HSPA12B: variants seen among roughly 807,000 people sequenced by gnomAD.
The protein encoded by HSPA12B is heat shock 70 kDa protein 12B.
A neutral mutation model predicts 69.3 loss-of-function variants in HSPA12B; 54 were observed. The observed-to-expected ratio is 0.78, with a 90% CI of 0.63 to 0.98. HSPA12B has a LOEUF of 0.98. HSPA12B is among the 50% of genes least tolerant of loss of function. The pLI, the probability that HSPA12B is intolerant of heterozygous loss-of-function variation, is 0.00. For missense variants in HSPA12B, 929 were observed against 999.8 expected (o/e 0.93, Z 0.96); for synonymous variants, 441 against 436.5 (o/e 1.01, Z -0.13).
chr20:3,745,496 C>A lies in HSPA12B; in HGVS notation c.457C>A (p.Leu153Ile), dbSNP rs1393766286. The stretch of plus-strand genomic sequence containing the variant: ...AGCCGCCCTGTGTCCCTGCCAGGAT[C>A]TCACCTTGAAGACCCAGCTAGAGGC... Reference protein sequence around the residue: ...FKMKIHSATDLTLKTQLEAVN... With the variant: ...FKMKIHSATDITLKTQLEAVN... Residue 153 changes from leucine to isoleucine, a missense_variant, in exon 6 of 13, where the codon CTC (leucine) becomes ATC (isoleucine). Leu to Ile is a conservative substitution (Grantham distance 5). Around this residue, in one of 3 missense-constraint regions of HSPA12B, gnomAD observed 477 missense variants for 535.2 expected, o/e 0.89. Coordinates refer to ENST00000254963, the MANE Select transcript of HSPA12B (RefSeq NM_052970.5). This position sits in a 1 kb window ranked among gnomAD's most constrained non-coding sequence, Gnocchi z 5.6. 8 of 1,613,652 alleles carry A rather than the reference C, an allele frequency of 5.0e-6. No individual in the cohort carries two copies. Among genetic ancestry groups the A allele is most frequent in the South Asian group, 4.4e-5 (4 of 91,068 alleles).
chr20:3,752,905 G>T lies in HSPA12B; in HGVS notation c.*739G>T, dbSNP rs2088454109. 3 of 153,836 alleles carry T rather than the reference G, an allele frequency of 2.0e-5. No individual in the cohort carries two copies. The highest frequency in any genetic ancestry group is 7.2e-5 in the African/African-American group (3 of 41,442). The allele number at this position is 153,836 out of a possible 1,614,324, so 9.5% of individuals were successfully genotyped here. A position where few individuals can be genotyped will look rare whatever the true frequency, so the allele number is the denominator to read the frequency against. On this transcript the variant is annotated 3_prime_UTR_variant, in exon 13 of 13. Coordinates refer to ENST00000254963, the MANE Select transcript of HSPA12B (RefSeq NM_052970.5). ...CCCCAGCCATGGAAGAGCAGCTGGA[G>T]GGTGGATGGGGAGGCCAGAGGGAGC...
In HSPA12B at chr20:3,751,006, A is replaced by G. The variant is rs746851212; in HGVS notation, c.1405+99A>G. ...TGCCTAGATACCTCCACACATCCAT[A>G]CACTGTGATGAGACCTAGAATCATC... On this transcript the variant is annotated intron_variant, in intron 12 of 12. Coordinates refer to ENST00000254963, the MANE Select transcript of HSPA12B (RefSeq NM_052970.5). 6.5e-5 allele frequency: 66 copies of G among 1,018,470 alleles called. No individual in the cohort carries two copies. In the Admixed American group the frequency reaches 6.8e-4, roughly 11 times the overall value. The allele number at this position is 1,018,470 out of a possible 1,614,324, so 63.1% of individuals were successfully genotyped here.
At chr20:3,734,540 AGC>A in intron 1 of HSPA12B, among the ~76,000 whole-genome samples, 1 of 152,292 alleles carries the variant, frequency 6.6e-6, no homozygotes, top group Admixed American at 6.5e-5. Flanking sequence ...AGGCCCCTGA[AGC>A]GGGGCTCAGC....
Position 3,750,816 on chromosome 20 carries a change from G to C in HSPA12B, c.1314G>C (p.Val438=). ...TALRRSSVNF[V]KWSSQGMLRM... is the part of the protein sequence containing the mutation. ...TCACCACCAACAGCGTGAACTTCGT[G>C]AAGTGGTCCTCACAGGGGATGCTCC... is the stretch of plus-strand genomic sequence containing the variant. The change falls in exon 12 of 13, where the codon GTG becomes GTC. Residue 438 remains valine (V), a synonymous_variant. Transcript: ENST00000254963. 7 of 1,613,906 alleles carry C rather than the reference G, an allele frequency of 4.3e-6. No homozygotes were observed. Among genetic ancestry groups the C allele is most frequent in the Non-Finnish European group, 5.1e-6 (6 of 1,180,028 alleles).
chr20:3,739,434 T>C (rs899997212), intron 2 of HSPA12B, among the ~76,000 whole-genome samples: 1 of 152,222 alleles, frequency 6.6e-6, no homozygotes, highest in African/African-American at 2.4e-5. Context: ...GCTTGGGTTC[T>C]CCGCAGGGGT....
In HSPA12B at chr20:3,737,872, A is replaced by G. The variant is rs901521046; in HGVS notation, c.-17-786A>G. Among the ~76,000 whole-genome samples, 10 of 152,124 alleles carry G rather than the reference A, an allele frequency of 6.6e-5. No individual in the cohort carries two copies. Among genetic ancestry groups the G allele is most frequent in the Admixed American group, 2.6e-4 (4 of 15,268 alleles). ...ACAAAAATTAGCTGGGCATGGAGGC[A>G]CTCACCTGTAATCCCAGCTACTGAG... On this transcript the variant is annotated intron_variant, in intron 1 of 12. Transcript: ENST00000254963. This position sits in a 1 kb window ranked among gnomAD's most constrained non-coding sequence, Gnocchi z 4.1.
chr20:3,745,511 C>G lies in HSPA12B; in HGVS notation c.472C>G (p.Gln158Glu). 6.2e-7 allele frequency: 1 copy of G among 1,614,124 alleles called. No individual in the cohort carries two copies. The highest frequency in any genetic ancestry group is 8.5e-7 in the Non-Finnish European group (1 of 1,179,978). ...CTGCCAGGATCTCACCTTGAAGACC[C>G]AGCTAGAGGCAGTAAATGGAAAGAC... ...HSATDLTLKT[Q>E]LEAVNGKTMP... The change falls in exon 6 of 13, where the codon CAG becomes GAG. Residue 158 changes from glutamine to glutamate, a missense_variant. Physicochemically the swap from Gln to Glu is conservative, Grantham distance 29. Coordinates refer to ENST00000254963, the MANE Select transcript of HSPA12B (RefSeq NM_052970.5). This position sits in a 1 kb window ranked among gnomAD's most constrained non-coding sequence, Gnocchi z 5.6.
intron 7 of HSPA12B, among the ~76,000 whole-genome samples, chr20:3,747,217 A>C (rs1276628898): frequency 1.3e-5 from 2 of 152,116 alleles, no homozygotes; most frequent in Admixed American, 6.5e-5. Context: ...TAAGCTGTCC[A>C]AAAGGGATCT....
chr20:3,747,930 G>A (rs1291486192), intron 7 of HSPA12B, among the ~76,000 whole-genome samples: 2 of 152,212 alleles, frequency 1.3e-5, no homozygotes, highest in African/African-American at 4.8e-5. Flanking sequence ...AATTTGAAGG[G>A]GCAGATCCCA....
At position 3,751,840 on chromosome 20, in the gene HSPA12B, G is replaced by A. The variant is rs2088429322; in HGVS notation, c.1735G>A (p.Ala579Thr). ...CACCGACGTCTTCGAGCGCTTCGTG[G>A]CCGCCGAGCAGTCGGTGGCCCTGGG... ...WCTDVFERFVAAEQSVALGEE... is the reference protein window; with the variant it reads ...WCTDVFERFVTAEQSVALGEE... The change falls in exon 13 of 13, where the codon GCC (alanine) becomes ACC (threonine). Residue 579 changes from alanine (A) to threonine (T), a missense_variant. By Grantham distance (58) the Ala-to-Thr change is moderately conservative (BLOSUM62 0). Transcript: ENST00000254963. The A allele has an allele frequency of 6.5e-7, 1 of 1,539,534 alleles. No individual in the cohort carries two copies. Among genetic ancestry groups the A allele is most frequent in the Non-Finnish European group, 8.7e-7 (1 of 1,149,030 alleles).
intron 8 of HSPA12B, among the ~76,000 whole-genome samples, chr20:3,748,966 C>A (rs915945194): frequency 1.3e-5 from 2 of 152,212 alleles, no homozygotes; most frequent in African/African-American, 4.8e-5. Context: ...TCCTCCAAAC[C>A]CCTCTAACCC....
chr20:3,734,157 G>A (rs561560997), intron 1 of HSPA12B, among the ~76,000 whole-genome samples: 1 of 152,342 alleles, frequency 6.6e-6, no homozygotes, highest in Admixed American at 6.5e-5. Context: ...AACAGAGCAA[G>A]ACCCTGTCTC....
chr20:3,749,388 G>C lies in HSPA12B; in HGVS notation c.937+70G>C. 2 of 1,376,634 alleles carry C rather than the reference G, an allele frequency of 1.5e-6. No homozygotes were observed. Among genetic ancestry groups the C allele is most frequent in the Non-Finnish European group, 2.0e-6 (2 of 983,872 alleles). 85.3% of individuals were successfully genotyped at this position (1,376,634 alleles called of 1,614,324 possible). A position where few individuals can be genotyped will look rare whatever the true frequency, so the allele number is the denominator to read the frequency against. ...GCACCATATACTGATGGGGGGAAGG[G>C]CATGTTTGCAAAGCCCGTCTCTTCC... On this transcript the variant is annotated intron_variant, in intron 9 of 12. Transcript: ENST00000254963. This position sits in a 1 kb window ranked among gnomAD's most constrained non-coding sequence, Gnocchi z 5.5.
chr20:3,736,095 G>A (rs1266133038), intron 1 of HSPA12B, among the ~76,000 whole-genome samples: 1 of 152,204 alleles, frequency 6.6e-6, no homozygotes, highest in Non-Finnish European at 1.5e-5. Flanking sequence ...CTACCAATGT[G>A]ATGTCATTGA....
At position 3,744,993 on chromosome 20, in the gene HSPA12B, T is replaced by G. The variant is rs767401550; in HGVS notation, c.358T>G (p.Tyr120Asp). The part of the protein sequence containing the change: ...TPEGAFHSFG[Y>D]TARDYYHDLD... ...GGAGGGCGCCTTCCACAGCTTTGGC[T>G]ACACCGCCCGCGATTACTACCATGA... Residue 120 changes from tyrosine to aspartate, a missense_variant, in exon 5 of 13, where the codon TAC (tyrosine) becomes GAC (aspartate). Around this residue, in one of 3 missense-constraint regions of HSPA12B, gnomAD observed 477 missense variants for 535.2 expected, o/e 0.89. Coordinates refer to ENST00000254963, the MANE Select transcript of HSPA12B (RefSeq NM_052970.5). This position sits in a 1 kb window ranked among gnomAD's most constrained non-coding sequence, Gnocchi z 4.9. The G allele has an allele frequency of 1.2e-6, 2 of 1,614,006 alleles. No homozygotes were observed. Among genetic ancestry groups the G allele is most frequent in the Non-Finnish European group, 1.7e-6 (2 of 1,180,030 alleles).
chr20:3,745,400 G>A lies in HSPA12B; in HGVS notation c.454-93G>A. 1.1e-6 allele frequency: 1 copy of A among 909,386 alleles called. No individual in the cohort carries two copies. The highest frequency in any genetic ancestry group is 1.8e-6 in the Non-Finnish European group (1 of 550,600). 56.3% of individuals were successfully genotyped at this position (909,386 alleles called of 1,614,324 possible). A position where few individuals can be genotyped will look rare whatever the true frequency, so the allele number is the denominator to read the frequency against. On this transcript the variant is annotated intron_variant, in intron 5 of 12. Coordinates refer to ENST00000254963, the MANE Select transcript of HSPA12B (RefSeq NM_052970.5). The surrounding 1 kb of genome is among the most constrained non-coding windows in gnomAD (Gnocchi z 5.6). ...GGGACGGTGGTAAAGAGGAGGGGAA[G>A]CTCCAGGAAACGGGGTGATTTTAAG...
Position 3,751,871 on chromosome 20 carries a change from A to G in HSPA12B, c.1766A>G (p.Glu589Gly). Residue 589 changes from glutamate to glycine, a missense_variant, in exon 13 of 13, where the codon GAG (glutamate) becomes GGG (glycine). Physicochemically the swap from Glu to Gly is moderately conservative, Grantham distance 98. Around this residue, in one of 3 missense-constraint regions of HSPA12B, gnomAD observed 448 missense variants for 448.1 expected, o/e 1.00. Coordinates refer to ENST00000254963, the MANE Select transcript of HSPA12B (RefSeq NM_052970.5). Reference protein sequence around the residue: ...AAEQSVALGEEVRRSYCPARP... With the variant: ...AAEQSVALGEGVRRSYCPARP... ...GAGCAGTCGGTGGCCCTGGGCGAGG[A>G]GGTGCGGCGCAGCTACTGCCCGGCG... 1.3e-6 allele frequency: 2 copies of G among 1,559,524 alleles called. No individual in the cohort carries two copies. Among genetic ancestry groups the G allele is most frequent in the Non-Finnish European group, 1.7e-6 (2 of 1,158,320 alleles).
chr20:3,733,950 A>G (rs376729650), intron 1 of HSPA12B, among the ~76,000 whole-genome samples: 1 of 152,162 alleles, frequency 6.6e-6, no homozygotes, highest in Non-Finnish European at 1.5e-5. Flanking sequence ...GCTCCTGGGG[A>G]CATGAGCGCC....
At position 3,742,334 on chromosome 20, in the gene HSPA12B, C is replaced by T; in HGVS notation, c.192C>T (p.Ala64=). 4 of 1,614,120 alleles carry T rather than the reference C, an allele frequency of 2.5e-6. No individual in the cohort carries two copies. Among genetic ancestry groups the T allele is most frequent in the Non-Finnish European group, 3.4e-6 (4 of 1,179,960 alleles). ...AGGCCTCCTTCTCTGTGGTGGTGGCCATTGACTTCGGCACCACGTCTAGTG... is the reference window on the plus strand; with the variant it reads ...AGGCCTCCTTCTCTGTGGTGGTGGCTATTGACTTCGGCACCACGTCTAGTG... ...PQQASFSVVV[A]IDFGTTSSGY... The change falls in exon 4 of 13, where the codon GCC becomes GCT. Residue 64 remains alanine (A), a synonymous_variant. Transcript: ENST00000254963.
Sources: gnomAD v4.1 joint callset for allele counts (sites outside exome capture counted in the v4.1 genomes callset) on GRCh38, gnomAD v4.1.1 for gene constraint, gnomAD v4.1.1 regional missense constraint, Gnocchi (gnomAD v3.1) non-coding constraint, MANE v1.5 for transcripts, NCBI Gene and HGNC (gene_info 2026-07-23, HGNC 2026-07-21) for gene names.